Variants in TCF4 observed in about 807,000 individuals in gnomAD.
TCF4 encodes SL3-3 enhancer factor 2.
A neutral mutation model predicts 82.1 loss-of-function variants in TCF4; 3 were observed. The ratio of observed to expected loss-of-function variants is 0.04; its 90% CI spans 0.02 to 0.09. The LOEUF is 0.09. Among genes scored for constraint, TCF4 ranks in the 10% least tolerant of loss-of-function variants. The pLI, the probability that TCF4 is intolerant of heterozygous loss-of-function variation, is 1.00. For synonymous variants in TCF4, 276 were observed against 309.6 expected (o/e 0.89, Z 1.14); for missense variants, 518 against 852.7 (o/e 0.61, Z 4.89).
chr18:55,258,291 T>A (rs2057325163), intron 13 of TCF4, among the ~76,000 whole-genome samples: 1 of 152,122 alleles, frequency 6.6e-6, no homozygotes, highest in African/African-American at 2.4e-5. Context: ...GTCCCCATAT[T>A]TGCATCTTCA....
chr18:55,602,228 TA>T (rs1301609151), intron 2 of TCF4, among the ~76,000 whole-genome samples: 1 of 152,236 alleles, frequency 6.6e-6, no homozygotes, highest in African/African-American at 2.4e-5. Context: ...AGAAATTAAG[TA>T]ACTTGCTCAA....
chr18:55,375,607 T>G (rs995388405), intron 6 of TCF4, among the ~76,000 whole-genome samples: 1 of 152,142 alleles, frequency 6.6e-6, no homozygotes, highest in Non-Finnish European at 1.5e-5. Context: ...TATTTGCCAA[T>G]GATTTTCTTC....
intron 15 of TCF4, among the ~76,000 whole-genome samples, chr18:55,237,689 C>T (rs1376776844): frequency 6.6e-6 from 1 of 152,060 alleles, no homozygotes; most frequent in Non-Finnish European, 1.5e-5. Flanking sequence ...CATGTGAATG[C>T]CCTCTGATAG....
intron 6 of TCF4, among the ~76,000 whole-genome samples, chr18:55,358,053 C>T (rs1250917024): frequency 2.0e-5 from 3 of 152,202 alleles, no homozygotes; most frequent in African/African-American, 7.2e-5. Context: ...TAACTCTTTC[C>T]CTCCCAAGAT....
chr18:55,382,827 G>T (rs1348047), intron 6 of TCF4, among the ~76,000 whole-genome samples: 39,405 of 152,154 alleles, frequency 0.26, 5,385 homozygotes, highest in East Asian at 0.53. Context: ...AAATATTTGT[G>T]ATATGGCTAA....
chr18:55,329,008 C>G (rs2077055566), intron 8 of TCF4, among the ~76,000 whole-genome samples: 1 of 152,058 alleles, frequency 6.6e-6, no homozygotes, highest in Non-Finnish European at 1.5e-5. Context: ...AGGCAGAGAA[C>G]AAACAATTGT....
At chr18:55,588,256 G>T, upstream of TCF4, 1 of 1,425,636 alleles carries the variant, frequency 7.0e-7, no homozygotes, top group Non-Finnish European at 9.1e-7. Context: ...GGGAGGGGAC[G>T]GAGGGAAGGG....
intron 6 of TCF4, among the ~76,000 whole-genome samples, chr18:55,378,325 G>A (rs969776043): frequency 6.6e-6 from 1 of 152,144 alleles, no homozygotes; most frequent in Non-Finnish European, 1.5e-5. Flanking sequence ...AGCACAGTCT[G>A]TAATTTAACA....
intron 8 of TCF4, among the ~76,000 whole-genome samples, chr18:55,312,303 T>C (rs1023800622): frequency 6.6e-6 from 1 of 152,168 alleles, no homozygotes; most frequent in African/African-American, 2.4e-5. Context: ...ACCATCTAAC[T>C]TTAAAACAGG....
intron 6 of TCF4, among the ~76,000 whole-genome samples, chr18:55,381,737 G>A (rs547874907): frequency 6.0e-4 from 90 of 150,084 alleles, no homozygotes; most frequent in Non-Finnish European, 6.1e-4. Context: ...ACTCAATCCC[G>A]CTTTCATTAC....
intron 3 of TCF4, among the ~76,000 whole-genome samples, chr18:55,501,484 A>C (rs2096700971): frequency 6.6e-6 from 1 of 152,224 alleles, no homozygotes; most frequent in Non-Finnish European, 1.5e-5. Flanking sequence ...GAAAAGATGA[A>C]ACTCTAGTGG....
intron 3 of TCF4, among the ~76,000 whole-genome samples, chr18:55,564,766 G>A (rs1246981619): frequency 6.6e-6 from 1 of 152,172 alleles, no homozygotes; most frequent in African/African-American, 2.4e-5. Flanking sequence ...GACTTAAGAA[G>A]ATAATGTACC....
At chr18:55,330,204 T>G in intron 8 of TCF4, among the ~76,000 whole-genome samples, 1 of 144,254 alleles carries the variant, frequency 6.9e-6, no homozygotes, top group Non-Finnish European at 1.5e-5. Flanking sequence ...TTTTTTGAGA[T>G]GTAGTCTCAC....
chr18:55,610,805 T>G (rs1426697777), intron 2 of TCF4, among the ~76,000 whole-genome samples: 1 of 152,222 alleles, frequency 6.6e-6, no homozygotes, highest in Non-Finnish European at 1.5e-5. Context: ...TGTTTTGCTT[T>G]GCAATTTCAA....
chr18:55,538,015 T>A (rs2097132403), intron 3 of TCF4, among the ~76,000 whole-genome samples: 1 of 132,494 alleles, frequency 7.5e-6, no homozygotes, highest in Non-Finnish European at 1.6e-5. Context: ...ATTTTGCTAG[T>A]CTGCGCGCGC....
chr18:55,338,406 G>A (rs1011939017), intron 8 of TCF4, among the ~76,000 whole-genome samples: 1 of 152,134 alleles, frequency 6.6e-6, no homozygotes, highest in African/African-American at 2.4e-5. Flanking sequence ...AGACAGAAAT[G>A]GCCATGAGTG....
chr18:55,386,622 C>T (rs963944108), intron 6 of TCF4, among the ~76,000 whole-genome samples: 1 of 152,120 alleles, frequency 6.6e-6, no homozygotes, highest in Admixed American at 6.5e-5. Flanking sequence ...TCAAACAATA[C>T]AGGAGCATAT....
At chr18:55,346,648 C>T (rs1419938402) in intron 8 of TCF4, among the ~76,000 whole-genome samples, 4 of 152,226 alleles carry the variant, frequency 2.6e-5, no homozygotes, top group African/African-American at 7.2e-5. Context: ...AATCGGATTA[C>T]AAGTGGAGAC....
chr18:55,316,784 C>T (rs2074251082), intron 8 of TCF4, among the ~76,000 whole-genome samples: 1 of 152,082 alleles, frequency 6.6e-6, no homozygotes, highest in African/African-American at 2.4e-5. Flanking sequence ...TTCTCCCCAA[C>T]CCTCTTTCTC....
Sources: allele counts gnomAD v4.1 joint callset (sites outside exome capture counted in the v4.1 genomes callset), GRCh38; gene constraint gnomAD v4.1.1; transcripts MANE v1.5; gene names NCBI Gene and HGNC (gene_info 2026-07-23, HGNC 2026-07-21).